TDO2: variants seen among roughly 807,000 people sequenced by gnomAD.
TDO2 encodes tryptamin 2,3-dioxygenase.
In TDO2, 63 loss-of-function variants were observed where a neutral mutation model predicts 61.2. The ratio of observed to expected loss-of-function variants is 1.03; its 90% CI spans 0.84 to 1.27. The LOEUF is 1.27. TDO2 is among the 50% of genes most tolerant of loss of function. The pLI is 0.00. For synonymous variants in TDO2, 183 were observed against 164.0 expected (o/e 1.12, Z -0.89); for missense variants, 494 against 469.5 (o/e 1.05, Z -0.48).
At chr4:155,915,069 G>A (rs1368002963) in intron 8 of TDO2, among the ~76,000 whole-genome samples, 2 of 152,028 alleles carry the variant, frequency 1.3e-5, no homozygotes, top group African/African-American at 2.4e-5. Context: ...AAGATACCAG[G>A]AAAAGCATAC....
intron 7 of TDO2, among the ~76,000 whole-genome samples, chr4:155,911,807 A>G (rs1473400672): frequency 6.6e-6 from 1 of 152,092 alleles, no homozygotes; most frequent in African/African-American, 2.4e-5. Context: ...CCTTCATTGC[A>G]CGGGAGAATT....
At chr4:155,914,604 C>T (rs13152593) in intron 8 of TDO2, among the ~76,000 whole-genome samples, 170 bp downstream of exon 8, 4,497 of 152,128 alleles carry the variant, frequency 0.03, 83 homozygotes, top group Middle Eastern at 0.048. Context: ...CCTATTTTAA[C>T]GGGTTTCCAT....
intron 6 of TDO2, 92 bp from the exon 7 acceptor site, chr4:155,911,405 A>C: frequency 1.2e-6 from 1 of 858,916 alleles, no homozygotes. Flanking sequence ...GGAAACCATG[A>C]AGATTTCTTG....
In TDO2 at chr4:155,907,711, C is replaced by T. The variant is rs748771968; in HGVS notation, c.233-11C>T. 1.7e-5 allele frequency: 28 copies of T among 1,605,676 alleles called. No individual in the cohort carries two copies. In the Middle Eastern group the frequency reaches 6.6e-4, roughly 38 times the overall value. On this transcript the variant is annotated splice_polypyrimidine_tract_variant and intron_variant, in intron 3 of 11. Coordinates refer to ENST00000536354, the MANE Select transcript of TDO2 (RefSeq NM_005651.4). The stretch of plus-strand genomic sequence containing the variant: ...ATAACTTTCCAACTGACAATGATTT[C>T]CTTATTACAGCTTATGAACTCTGGT...
At position 155,903,784 on chromosome 4, in the gene TDO2, A is replaced by T; in HGVS notation, c.26A>T (p.Asn9Ile). The change falls in exon 1 of 12, where the codon AAC (asparagine) becomes ATC (isoleucine). Residue 9 changes from asparagine to isoleucine, a missense_variant. By Grantham distance (149) the Asn-to-Ile change is moderately radical. Transcript: ENST00000536354. MSGCPFLG[N>I]NFGYTFKKLP... Reference sequence around the variant, plus strand: ...ATGAGTGGGTGCCCATTTTTAGGAAACAACTTTGGGTGAGTATTTACCTTT... The same window carrying T: ...ATGAGTGGGTGCCCATTTTTAGGAATCAACTTTGGGTGAGTATTTACCTTT... 1 of 1,614,152 alleles carries T rather than the reference A, an allele frequency of 6.2e-7. No homozygotes were observed. The highest frequency in any genetic ancestry group is 8.5e-7 in the Non-Finnish European group (1 of 1,180,020).
At chr4:155,906,261 T>C (rs1436130330) in intron 3 of TDO2, 1 of 152,180 alleles carries the variant, frequency 6.6e-6, no homozygotes, top group Non-Finnish European at 1.5e-5. Flanking sequence ...AAATGGTAGC[T>C]ATCATTATTT....
intron 9 of TDO2, among the ~76,000 whole-genome samples, chr4:155,916,888 G>A (rs936426780): frequency 3.3e-5 from 5 of 152,042 alleles, no homozygotes; most frequent in African/African-American, 4.8e-5. Context: ...TCAAGTAAAT[G>A]TATGCCAATT....
chr4:155,919,575 C>G (rs1743006007), intron 11 of TDO2, among the ~76,000 whole-genome samples: 1 of 151,964 alleles, frequency 6.6e-6, no homozygotes, highest in Admixed American at 6.6e-5. Flanking sequence ...CAATAAGACT[C>G]TCGGTTTTAA....
intron 10 of TDO2, among the ~76,000 whole-genome samples, chr4:155,917,840 A>T (rs1270412174): frequency 6.6e-6 from 1 of 152,100 alleles, no homozygotes; most frequent in African/African-American, 2.4e-5. Context: ...TATTTTTTTA[A>T]ATGAAGGACC....
At chr4:155,919,716 A>G (rs1307819229) in intron 11 of TDO2, 121 bp from the exon 12 acceptor site, 3 of 774,844 alleles carry the variant, frequency 3.9e-6, no homozygotes, top group African/African-American at 1.8e-5. Flanking sequence ...TACAACATGC[A>G]ATATATATTA....
rs180728698 is a variant in TDO2, at chr4:155,907,388, C to T, written c.233-334C>T. On this transcript the variant is annotated intron_variant, in intron 3 of 11. Coordinates refer to ENST00000536354, the MANE Select transcript of TDO2 (RefSeq NM_005651.4). ...GTTGATTATCACTTCTGCTTCCCCA[C>T]ATACTTCCAGCTTCCATAGAGGAAG... 751 of 202,574 alleles carry T rather than the reference C, an allele frequency of 3.7e-3. 4 individuals are homozygous for T. Among genetic ancestry groups the T allele is most frequent in the African/African-American group, 0.016 (710 of 43,570 alleles). The allele number at this position is 202,574 out of a possible 1,614,324, so 12.5% of individuals were successfully genotyped here.
In TDO2 at chr4:155,918,046, C is replaced by T. The variant is rs1047705941; in HGVS notation, c.977-103C>T. ...CATATGGCCAAGTGTTAGTTGTCAA[C>T]ATTTTCTCAGAAGCAATTATCATTA... On this transcript the variant is annotated intron_variant, in intron 10 of 11. Coordinates refer to ENST00000536354, the MANE Select transcript of TDO2 (RefSeq NM_005651.4). 7 of 1,156,138 alleles carry T rather than the reference C, an allele frequency of 6.1e-6. No individual in the cohort carries two copies. The Admixed American group carries it at 1.1e-4, about 18-fold the overall frequency. The allele number at this position is 1,156,138 out of a possible 1,614,324, so 71.6% of individuals were successfully genotyped here.
Position 155,919,964 on chromosome 4 carries a change from T to C in TDO2, c.1195T>C (p.Tyr399His). 4.3e-6 allele frequency: 7 copies of C among 1,613,666 alleles called. No individual in the cohort carries two copies. Among genetic ancestry groups the C allele is most frequent in the Non-Finnish European group, 5.1e-6 (6 of 1,179,766 alleles). The change falls in exon 12 of 12, where the codon TAC becomes CAC. Residue 399 changes from tyrosine to histidine, a missense_variant. Transcript: ENST00000536354. ...LYTAEYCDSS[Y>H]FSSDESD ...TACAGCAGAATACTGTGATAGCTCC[T>C]ACTTCAGCAGTGATGAATCAGATTA...
At chr4:155,912,983 T>C (rs1004464396) in intron 7 of TDO2, among the ~76,000 whole-genome samples, 12 of 152,094 alleles carry the variant, frequency 7.9e-5, no homozygotes, top group Non-Finnish European at 1.3e-4. Flanking sequence ...CCCTCTTGTT[T>C]CACCACTTCT....
chr4:155,905,043 A>T (rs1422725940), intron 2 of TDO2, 24 bp from the exon 3 acceptor site: 3 of 1,530,234 alleles, frequency 2.0e-6, no homozygotes, highest in African/African-American at 1.4e-5. Context: ...AATTTCAGAC[A>T]GGCTTTTTAT....
At chr4:155,905,929 TA>T (rs1742710424) in intron 3 of TDO2, 1 of 152,166 alleles carries the variant, frequency 6.6e-6, no homozygotes. Flanking sequence ...AATTAAAAGT[TA>T]AAAAACTGGC....
chr4:155,919,876 A>G lies in TDO2; in HGVS notation c.1107A>G (p.Ser369=). 1.2e-6 allele frequency: 2 copies of G among 1,613,646 alleles called. No homozygotes were observed. Among genetic ancestry groups the G allele is most frequent in the East Asian group, 4.5e-5 (2 of 44,792 alleles). The change falls in exon 12 of 12, where the codon TCA becomes TCG. Residue 369 remains serine, a synonymous_variant. Coordinates refer to ENST00000536354, the MANE Select transcript of TDO2 (RefSeq NM_005651.4). ...YKVFVDLFNL[S]TYLIPRHWIP... is the part of the protein sequence containing the mutation. ...TATTTGTAGATTTATTTAATCTTTCAACATACCTGATTCCCCGACACTGGA... is the reference window on the plus strand; with the variant it reads ...TATTTGTAGATTTATTTAATCTTTCGACATACCTGATTCCCCGACACTGGA...
chr4:155,916,269 G>A (rs576965484), intron 9 of TDO2, among the ~76,000 whole-genome samples: 3 of 141,314 alleles, frequency 2.1e-5, no homozygotes, highest in African/African-American at 5.2e-5. Context: ...CCGGGTTCAC[G>A]CCACTCTCCT....
chr4:155,904,193 A>G, intron 2 of TDO2, 70 bp downstream of exon 2: 1 of 1,143,408 alleles, frequency 8.7e-7, no homozygotes, highest in Non-Finnish European at 1.3e-6. Flanking sequence ...GTGACTTTTT[A>G]TGATTTTATT....
Sources: gnomAD v4.1 joint callset for allele counts (sites outside exome capture counted in the v4.1 genomes callset) on GRCh38, gnomAD v4.1.1 for gene constraint, MANE v1.5 for transcripts, NCBI Gene and HGNC (gene_info 2026-07-23, HGNC 2026-07-21) for gene names.